Variants in INO80 observed in about 807,000 individuals in gnomAD.
The protein encoded by INO80 is chromatin-remodeling ATPase INO80.
In INO80, 20 loss-of-function variants were observed where a neutral mutation model predicts 203.4. The ratio of observed to expected loss-of-function variants is 0.10; its 90% CI spans 0.07 to 0.14. The LOEUF is 0.14. INO80 is among the 10% of genes least tolerant of loss of function. The pLI, the probability that INO80 is intolerant of heterozygous loss-of-function variation, is 1.00. For synonymous variants in INO80, 726 were observed against 685.2 expected (o/e 1.06, Z -0.93); for missense variants, 1,419 against 1,914.4 (o/e 0.74, Z 4.83).
At chr15:41,083,998 G>C (rs768865574) in intron 7 of INO80, among the ~76,000 whole-genome samples, 1 of 152,056 alleles carries the variant, frequency 6.6e-6, no homozygotes, top group Admixed American at 6.6e-5. Flanking sequence ...CCTACATTCT[G>C]ACTTCATCAC....
At chr15:41,040,690 G>A (rs2044652516) in intron 24 of INO80, among the ~76,000 whole-genome samples, 1 of 151,924 alleles carries the variant, frequency 6.6e-6, no homozygotes, top group Non-Finnish European at 1.5e-5. Context: ...GAACAACACA[G>A]CAAACCTAAC....
chr15:41,011,160 C>T (rs1482066959), intron 27 of INO80, among the ~76,000 whole-genome samples: 2 of 152,218 alleles, frequency 1.3e-5, no homozygotes. Flanking sequence ...TCTCTTTTTA[C>T]ATCTGGCTTC....
intron 1 of INO80, among the ~76,000 whole-genome samples, chr15:41,114,446 T>A (rs1189976608): frequency 6.6e-6 from 1 of 151,874 alleles, no homozygotes; most frequent in Non-Finnish European, 1.5e-5. Flanking sequence ...CGGTGGCTCA[T>A]GCCTATAATC....
chr15:41,019,248 G>A, intron 26 of INO80, among the ~76,000 whole-genome samples: 1 of 152,132 alleles, frequency 6.6e-6, no homozygotes. Context: ...CAGGGAAAGA[G>A]AAAACGTAAA....
chr15:41,023,426 A>G lies in INO80; in HGVS notation c.3049-2301T>C, dbSNP rs549904881. 2.0e-5 allele frequency: 9 copies of G among 448,448 alleles called. No individual in the cohort carries two copies. In the East Asian group the frequency reaches 5.6e-4, roughly 28 times the overall value. The allele number at this position is 448,448 out of a possible 1,614,324, so 27.8% of individuals were successfully genotyped here. The stretch of plus-strand genomic sequence containing the variant: ...ACTATAGAAATATGACCAGTTCTAT[A>G]TGTCTTGAACAGCATGCATACTCTT... On this transcript the variant is annotated intron_variant, in intron 25 of 35. Transcript: ENST00000648947.
chr15:41,093,918 A>G (rs1016039338), intron 4 of INO80, among the ~76,000 whole-genome samples: 2 of 152,242 alleles, frequency 1.3e-5, no homozygotes, highest in Non-Finnish European at 2.9e-5. Flanking sequence ...TCAATTTTTC[A>G]AAATATGACG....
intron 27 of INO80, among the ~76,000 whole-genome samples, chr15:41,008,717 C>T (rs2044088337): frequency 6.6e-6 from 1 of 152,224 alleles, no homozygotes; most frequent in African/African-American, 2.4e-5. Context: ...GGCAGTTTCC[C>T]TTTGAACCTT....
At chr15:41,049,493 T>G in intron 20 of INO80, 73 bp from the exon 21 acceptor site, 1 of 1,402,346 alleles carries the variant, frequency 7.1e-7, no homozygotes, top group Non-Finnish European at 1.0e-6. Context: ...GGATCCCAAA[T>G]CCCAAATGTT....
At chr15:40,984,863 G>A (rs1385793792) in intron 32 of INO80, among the ~76,000 whole-genome samples, 1 of 152,178 alleles carries the variant, frequency 6.6e-6, no homozygotes, top group Non-Finnish European at 1.5e-5. Context: ...AAATTTTTAA[G>A]ACAGTTCAAA....
intron 14 of INO80, among the ~76,000 whole-genome samples, chr15:41,066,213 G>A (rs1018014556): frequency 3.3e-5 from 5 of 151,972 alleles, no homozygotes; most frequent in South Asian, 2.1e-4. Flanking sequence ...CCCGACCTCA[G>A]GTGACCCCCC....
chr15:41,102,830 C>T (rs1393283267), intron 1 of INO80, among the ~76,000 whole-genome samples: 2 of 152,054 alleles, frequency 1.3e-5, no homozygotes, highest in Non-Finnish European at 2.9e-5. Context: ...ATTTAATAAT[C>T]TTTGAAAACT....
chr15:41,021,224 T>C (rs985442648), intron 25 of INO80, 99 bp from the exon 26 acceptor site: 3 of 748,084 alleles, frequency 4.0e-6, no homozygotes, highest in East Asian at 2.6e-5. Context: ...ATGTGGATAG[T>C]TCTTAGACTA....
intron 1 of INO80, among the ~76,000 whole-genome samples, chr15:41,102,230 T>C (rs2045820437): frequency 6.6e-6 from 1 of 152,166 alleles, no homozygotes; most frequent in Non-Finnish European, 1.5e-5. Flanking sequence ...TCACTTATTA[T>C]GGGTTCATGC....
chr15:41,085,333 T>A, intron 7 of INO80, 36 bp downstream of exon 7: 1 of 1,564,122 alleles, frequency 6.4e-7, no homozygotes, highest in Non-Finnish European at 8.8e-7. Context: ...GAGAAAACAT[T>A]CTCCTAATTT....
At chr15:40,992,951 CCTGA>C (rs1348060661) in intron 29 of INO80, among the ~76,000 whole-genome samples, 2 of 152,296 alleles carry the variant, frequency 1.3e-5, no homozygotes, top group Admixed American at 6.5e-5. Context: ...TGCCACCACG[CCTGA>C]CTAATTTAAA....
rs186685043 is a variant in INO80, at chr15:41,060,320, A to G, written c.1783-394T>C. On this transcript the variant is annotated intron_variant, in intron 14 of 35. Transcript: ENST00000648947. The stretch of plus-strand genomic sequence containing the variant: ...AGATGTAAGATAGGCTGGGCATGGT[A>G]GCTCACGCCTGTAATCCCAGCACTT... 2.7e-3 allele frequency among the ~76,000 whole-genome samples: 408 copies of G among 152,272 alleles called. 3 individuals are homozygous for G. The highest frequency in any genetic ancestry group is 0.013 in the South Asian group (62 of 4,832).
intron 14 of INO80, among the ~76,000 whole-genome samples, chr15:41,065,288 A>T (rs952577495): frequency 9.9e-5 from 15 of 151,818 alleles, no homozygotes; most frequent in Non-Finnish European, 1.8e-4. Context: ...AAATACAAAA[A>T]TTAGCTGGGT....
chr15:41,048,946 C>G (rs183599777), intron 21 of INO80, among the ~76,000 whole-genome samples: 106 of 152,348 alleles, frequency 7.0e-4, no homozygotes, highest in African/African-American at 2.5e-3. Flanking sequence ...ACAATCAGTT[C>G]ACCCACAAGT....
At chr15:41,059,112 C>T (rs1170787623) in intron 15 of INO80, among the ~76,000 whole-genome samples, 2 of 151,852 alleles carry the variant, frequency 1.3e-5, no homozygotes, top group Admixed American at 6.6e-5. Flanking sequence ...CCACCATGCC[C>T]GGCTAATTTT....
Sources: allele counts gnomAD v4.1 joint callset (sites outside exome capture counted in the v4.1 genomes callset), GRCh38; gene constraint gnomAD v4.1.1; transcripts MANE v1.5; gene names NCBI Gene and HGNC (gene_info 2026-07-23, HGNC 2026-07-21).